Variants in OR9Q1 observed in about 807,000 individuals in gnomAD.
OR9Q1 encodes olfactory receptor family 9 subfamily Q member 1.
For synonymous variants in OR9Q1, 153 were observed against 148.6 expected (o/e 1.03, Z -0.22); for missense variants, 374 against 378.8 (o/e 0.99, Z 0.11).
At chr11:58,034,168 C>G (rs1259750077) in intron 1 of OR9Q1, among the ~76,000 whole-genome samples, 2 of 148,098 alleles carry the variant, frequency 1.4e-5, no homozygotes, top group Non-Finnish European at 3.0e-5. Flanking sequence ...TCACTGCAAG[C>G]TCCGCCTCCC....
intron 2 of OR9Q1, among the ~76,000 whole-genome samples, chr11:58,140,039 A>G (rs12283722): frequency 0.29 from 44,847 of 152,036 alleles, 6,877 homozygotes; most frequent in Middle Eastern, 0.41. Context: ...ATGGCCAATG[A>G]TGATGAGCAT....
intron 2 of OR9Q1, among the ~76,000 whole-genome samples, chr11:58,066,400 C>T (rs1853429804): frequency 6.6e-6 from 1 of 152,060 alleles, no homozygotes; most frequent in Non-Finnish European, 1.5e-5. Context: ...GGGCCTTTGG[C>T]TGGGGGTCCT....
Position 58,179,828 on chromosome 11 carries a change from G to A in OR9Q1, c.384G>A (p.Gln128=), listed in dbSNP as rs1247432537. 1 of 1,614,178 alleles carries A rather than the reference G, an allele frequency of 6.2e-7. No individual in the cohort carries two copies. The highest frequency in any genetic ancestry group is 8.5e-7 in the Non-Finnish European group (1 of 1,180,020). ...MAYDRYLAVC[Q]PLLYVTILTQ... ...ATGACCGCTACTTGGCTGTGTGCCA[G>A]CCCCTGCTTTATGTCACCATCCTGA... The change falls in exon 3 of 3, where the codon CAG becomes CAA. Residue 128 remains glutamine (Q), a synonymous_variant. Transcript: ENST00000335397.
intron 2 of OR9Q1, among the ~76,000 whole-genome samples, chr11:58,120,944 C>T (rs572642402): frequency 1.3e-5 from 2 of 151,606 alleles, no homozygotes; most frequent in South Asian, 4.2e-4. Flanking sequence ...AAAAATCAGT[C>T]TTTTATCCCA....
intron 2 of OR9Q1, among the ~76,000 whole-genome samples, chr11:58,175,506 T>A (rs1854596991): frequency 6.6e-6 from 1 of 152,150 alleles, no homozygotes; most frequent in Admixed American, 6.5e-5. Context: ...GCTTCTTGAT[T>A]GTTTACTACT....
chr11:58,126,607 C>T (rs1854092586), intron 2 of OR9Q1, among the ~76,000 whole-genome samples: 1 of 152,170 alleles, frequency 6.6e-6, no homozygotes, highest in African/African-American at 2.4e-5. Context: ...AGCCACAGAT[C>T]AGGACTCCTG....
chr11:58,153,556 C>CT (rs5792084), intron 2 of OR9Q1, among the ~76,000 whole-genome samples: 13,387 of 146,196 alleles, frequency 0.092, 685 homozygotes, highest in South Asian at 0.14. Flanking sequence ...TGCAAGAAAT[C>CT]TTTTTTTTTT....
rs143138617 is a variant in OR9Q1, at chr11:58,064,080, G to A, written c.-15+8133G>A. On this transcript the variant is annotated intron_variant, in intron 2 of 2. Transcript: ENST00000335397. Reference sequence around the variant, plus strand: ...GGGATTCCAGCCTGTTTAAGACATCGATAGGACAATTATGGGAGTTTAGCC... The same window carrying A: ...GGGATTCCAGCCTGTTTAAGACATCAATAGGACAATTATGGGAGTTTAGCC... 3.5e-4 allele frequency among the ~76,000 whole-genome samples: 54 copies of A among 152,212 alleles called. No homozygotes were observed. The East Asian group carries it at 8.5e-3, about 24-fold the overall frequency.
intron 1 of OR9Q1, among the ~76,000 whole-genome samples, chr11:58,029,737 T>C (rs1164432617): frequency 1.3e-5 from 2 of 152,120 alleles, no homozygotes; most frequent in African/African-American, 4.8e-5. Flanking sequence ...TGATTCTATC[T>C]CTTAATAGTC....
chr11:58,033,885 C>T (rs1320381366), intron 1 of OR9Q1, among the ~76,000 whole-genome samples: 11 of 152,064 alleles, frequency 7.2e-5, no homozygotes, highest in Admixed American at 7.2e-4. Context: ...ACAAGAGAGA[C>T]TTAACTATAG....
chr11:58,058,684 G>A (rs1292295654), intron 2 of OR9Q1, among the ~76,000 whole-genome samples: 2 of 151,948 alleles, frequency 1.3e-5, no homozygotes, highest in Admixed American at 6.6e-5. Context: ...AGGCAATGAC[G>A]GTGGCCATGC....
chr11:58,161,549 G>T (rs1490469738), intron 2 of OR9Q1, among the ~76,000 whole-genome samples: 1 of 145,974 alleles, frequency 6.9e-6, no homozygotes, highest in Non-Finnish European at 1.5e-5. Context: ...GGCTTATTCT[G>T]TTTTTTTTTT....
intron 2 of OR9Q1, among the ~76,000 whole-genome samples, chr11:58,084,211 T>G (rs2120049343): frequency 6.6e-6 from 1 of 152,016 alleles, no homozygotes; most frequent in African/African-American, 2.4e-5. Context: ...TTTCATTTTC[T>G]TTGTGGTTAT....
At chr11:58,067,791 A>G (rs139145134) in intron 2 of OR9Q1, among the ~76,000 whole-genome samples, 1 of 152,304 alleles carries the variant, frequency 6.6e-6, no homozygotes, top group Non-Finnish European at 1.5e-5. Context: ...ACAGGCAGTA[A>G]AAAGGACTCG....
chr11:58,178,875 T>A (rs1854629155), intron 2 of OR9Q1, among the ~76,000 whole-genome samples: 1 of 146,330 alleles, frequency 6.8e-6, no homozygotes. Context: ...ATATTTTATA[T>A]GTATATATTA....
intron 2 of OR9Q1, among the ~76,000 whole-genome samples, chr11:58,116,566 A>G (rs1853957178): frequency 6.6e-6 from 1 of 152,222 alleles, no homozygotes; most frequent in Non-Finnish European, 1.5e-5. Flanking sequence ...TCCTGATAAA[A>G]TTCTTACGAG....
chr11:58,076,862 C>T (rs1018919652), intron 2 of OR9Q1, among the ~76,000 whole-genome samples: 2 of 152,130 alleles, frequency 1.3e-5, no homozygotes, highest in Admixed American at 6.6e-5. Flanking sequence ...CTGACTTTTT[C>T]ACTATAGAAT....
chr11:58,172,325 T>C (rs1854563375), intron 2 of OR9Q1, among the ~76,000 whole-genome samples: 2 of 152,264 alleles, frequency 1.3e-5, no homozygotes, highest in South Asian at 4.1e-4. Flanking sequence ...ACAGAAAGTT[T>C]TATAGCAATC....
chr11:58,027,951 G>C (rs1306024222), intron 1 of OR9Q1, among the ~76,000 whole-genome samples: 2 of 152,034 alleles, frequency 1.3e-5, no homozygotes, highest in Non-Finnish European at 2.9e-5. Context: ...CCAGGCCCCA[G>C]GGTGGATGTC....
Sources: allele counts gnomAD v4.1 joint callset (sites outside exome capture counted in the v4.1 genomes callset), GRCh38; gene constraint gnomAD v4.1.1; transcripts MANE v1.5; gene names NCBI Gene and HGNC (gene_info 2026-07-23, HGNC 2026-07-21).